CACNA1B: variants seen among roughly 807,000 people sequenced by gnomAD.
CACNA1B encodes the protein voltage-dependent N-type calcium channel subunit alpha-1B.
A neutral mutation model predicts 247.2 loss-of-function variants in CACNA1B; 70 were observed. The observed-to-expected ratio is 0.28, with a 90% CI of 0.23 to 0.35. CACNA1B has a LOEUF of 0.35. Among genes scored for constraint, CACNA1B ranks in the 10% least tolerant of loss-of-function variants. The pLI, the probability that CACNA1B is intolerant of heterozygous loss-of-function variation, is 1.00. For missense variants in CACNA1B, 2,367 were observed against 3,197.4 expected, an observed-to-expected ratio of 0.74 and a Z score of 6.26; for synonymous variants, 1,231 against 1,294.4, an observed-to-expected ratio of 0.95 and a Z score of 1.05.
chr9:137,943,877 T>C (rs1339299034), intron 6 of CACNA1B, among the ~76,000 whole-genome samples: 3 of 152,204 alleles, frequency 2.0e-5, no homozygotes, highest in Non-Finnish European at 4.4e-5. Flanking sequence ...AACCTCCTGG[T>C]TGCAGGCACA....
Position 138,023,695 on chromosome 9 carries a change from G to T in CACNA1B, c.2952G>T (p.Lys984Asn). ...CGCGGCGGCACCGGGCCCGGCACAA[G>T]GCGCAGCCTGCTCACGAGGCTGTGG... is the stretch of plus-strand genomic sequence containing the variant. ...EPARRHRARH[K>N]AQPAHEAVEK... Residue 984 changes from lysine to asparagine, a missense_variant, in exon 19 of 47, where the codon AAG becomes AAT. By Grantham distance (94) the Lys-to-Asn change is moderately conservative. Coordinates refer to ENST00000371372, the MANE Select transcript of CACNA1B (RefSeq NM_000718.4). 6.5e-7 allele frequency: 1 copy of T among 1,537,800 alleles called. No homozygotes were observed. The highest frequency in any genetic ancestry group is 8.8e-7 in the Non-Finnish European group (1 of 1,141,606).
chr9:137,886,315 A>T (rs1330748104), intron 3 of CACNA1B, among the ~76,000 whole-genome samples: 1 of 151,862 alleles, frequency 6.6e-6, no homozygotes, highest in Admixed American at 6.6e-5. Context: ...GCTAGGGCGC[A>T]GCTCTTAAGG....
rs4066675 is a variant in CACNA1B, at chr9:138,020,098, CAAAAAAA to C, written c.2268-2898_2268-2892del. Among the ~76,000 whole-genome samples, 2 of 83,818 alleles carry C rather than the reference CAAAAAAA, an allele frequency of 2.4e-5. No individual in the cohort carries two copies. The highest frequency in any genetic ancestry group is 2.7e-5 in the Non-Finnish European group (1 of 37,640). The allele number at this position is 83,818 out of a possible 152,430, so 55.0% of individuals were successfully genotyped here. A position where few individuals can be genotyped will look rare whatever the true frequency, so the allele number is the denominator to read the frequency against. ...GGCGACACAGCGAGACTCTGTCTCC[CAAAAAAA>C]AAAAAAAAAAAAAATGCAGATGGCA... is the stretch of plus-strand genomic sequence containing the variant. On this transcript the variant is annotated intron_variant, in intron 18 of 46. Transcript: ENST00000371372. This position sits in a 1 kb window ranked among gnomAD's most constrained non-coding sequence, Gnocchi z 4.1.
chr9:138,079,018 TGTC>T (rs1315070405), intron 36 of CACNA1B, among the ~76,000 whole-genome samples: 1 of 152,060 alleles, frequency 6.6e-6, no homozygotes, highest in Non-Finnish European at 1.5e-5. Context: ...GGAAACGAGT[TGTC>T]GTTAGTGTTC....
chr9:137,905,945 G>A (rs1038303601), intron 3 of CACNA1B, among the ~76,000 whole-genome samples: 32 of 152,318 alleles, frequency 2.1e-4, no homozygotes, highest in African/African-American at 7.2e-4. Context: ...TTTGCTGGCT[G>A]GAATGGCTGG....
chr9:138,007,030 C>G lies in CACNA1B; in HGVS notation c.2092+146C>G. ...GAGCTGAGTGCAGATGGAGAACATT[C>G]TGCAGGTGGCCGGAGCGCAGGGCTC... On this transcript the variant is annotated intron_variant, in intron 16 of 46. Coordinates refer to ENST00000371372, the MANE Select transcript of CACNA1B (RefSeq NM_000718.4). The surrounding 1 kb of genome is among the most constrained non-coding windows in gnomAD (Gnocchi z 4.1). The G allele has an allele frequency of 1.7e-6, 1 of 605,786 alleles. No homozygotes were observed. The highest frequency in any genetic ancestry group is 1.8e-5 in the African/African-American group (1 of 54,504). The allele number at this position is 605,786 out of a possible 1,614,324, so 37.5% of individuals were successfully genotyped here. A position where few individuals can be genotyped will look rare whatever the true frequency, so the allele number is the denominator to read the frequency against.
intron 18 of CACNA1B, 119 bp from the exon 19 acceptor site, chr9:138,022,892 C>T: frequency 2.3e-6 from 3 of 1,312,800 alleles, no homozygotes; most frequent in Non-Finnish European, 3.0e-6. Context: ...GGGGCTCCCG[C>T]GGCCACGCCT....
Position 138,059,248 on chromosome 9 carries a change from T to C in CACNA1B, c.4584+59T>C. 2.1e-6 allele frequency: 2 copies of C among 966,802 alleles called. No homozygotes were observed. Among genetic ancestry groups the C allele is most frequent in the South Asian group, 1.4e-5 (1 of 73,468 alleles). 59.9% of individuals were successfully genotyped at this position (966,802 alleles called of 1,614,324 possible). On this transcript the variant is annotated intron_variant, in intron 30 of 46. Transcript: ENST00000371372. The surrounding 1 kb of genome is among the most constrained non-coding windows in gnomAD (Gnocchi z 4.2). Reference sequence around the variant, plus strand: ...AACCTATATTCTGGTTCCCCATCTGTAGGGCGACCTTTGGGGGCTCACAAT... The same window carrying C: ...AACCTATATTCTGGTTCCCCATCTGCAGGGCGACCTTTGGGGGCTCACAAT...
chr9:138,033,340 T>C (rs767757976), intron 20 of CACNA1B, among the ~76,000 whole-genome samples: 16 of 152,266 alleles, frequency 1.1e-4, no homozygotes, highest in Admixed American at 3.3e-4. Flanking sequence ...ATTTTTATAA[T>C]GGGTGTTTTT....
At chr9:138,096,945 T>C (rs1168855158) in intron 37 of CACNA1B, among the ~76,000 whole-genome samples, 1 of 151,628 alleles carries the variant, frequency 6.6e-6, no homozygotes, top group Non-Finnish European at 1.5e-5. Flanking sequence ...TGAAATTTAC[T>C]GTCTTCTTTC....
At chr9:138,087,856 GA>G (rs1960753287) in intron 36 of CACNA1B, among the ~76,000 whole-genome samples, 2 of 152,036 alleles carry the variant, frequency 1.3e-5, no homozygotes, top group East Asian at 3.9e-4. Flanking sequence ...AAACTTATGG[GA>G]TACAGTAAAA....
chr9:137,993,107 A>G (rs1334609525), intron 15 of CACNA1B, among the ~76,000 whole-genome samples: 1 of 152,154 alleles, frequency 6.6e-6, no homozygotes, highest in African/African-American at 2.4e-5. Context: ...TAGACAATCT[A>G]AAGTCCCATC....
rs1224100162 is a variant in CACNA1B, at chr9:138,046,897, C to T, written c.3414-7C>T. On this transcript the variant is annotated splice_polypyrimidine_tract_variant and splice_region_variant and intron_variant, in intron 21 of 46. Transcript: ENST00000371372. ...GGCCTTGTGGTGATCCGTGCCTTCCCTCACAGGCTCCGCCGCTTCTGCCAC... is the reference window on the plus strand; with the variant it reads ...GGCCTTGTGGTGATCCGTGCCTTCCTTCACAGGCTCCGCCGCTTCTGCCAC... 2 of 1,612,884 alleles carry T rather than the reference C, an allele frequency of 1.2e-6. No homozygotes were observed. The highest frequency in any genetic ancestry group is 1.7e-6 in the Non-Finnish European group (2 of 1,179,136).
chr9:138,097,849 G>A (rs1589126522), intron 37 of CACNA1B, among the ~76,000 whole-genome samples: 1 of 152,236 alleles, frequency 6.6e-6, no homozygotes, highest in African/African-American at 2.4e-5. Context: ...AGCAGAGGGA[G>A]CCCTCCACAG....
chr9:137,980,510 T>C (rs1589046899), intron 12 of CACNA1B, among the ~76,000 whole-genome samples: 1 of 152,346 alleles, frequency 6.6e-6, no homozygotes. Context: ...CTTTCTCTCT[T>C]TTTAAAATTT....
intron 36 of CACNA1B, among the ~76,000 whole-genome samples, chr9:138,080,161 G>T (rs1337816747): frequency 6.6e-6 from 1 of 152,174 alleles, no homozygotes; most frequent in East Asian, 1.9e-4. Flanking sequence ...TAGAAAAGTG[G>T]ATTATCCAGA....
chr9:137,965,584 T>TTG (rs1958065531), intron 10 of CACNA1B, among the ~76,000 whole-genome samples: 1 of 151,098 alleles, frequency 6.6e-6, no homozygotes, highest in Admixed American at 6.6e-5. Context: ...TTTATTTATT[T>TTG]ATTTATTTAT....
chr9:138,046,457 C>A (rs1396908814), intron 21 of CACNA1B, among the ~76,000 whole-genome samples: 1 of 139,212 alleles, frequency 7.2e-6, no homozygotes, highest in South Asian at 2.1e-4. Context: ...CGCTGAAATT[C>A]TTCCTCTCTG....
intron 3 of CACNA1B, chr9:137,892,450 A>G (rs1957115879): frequency 2.3e-6 from 1 of 433,856 alleles, no homozygotes; most frequent in Non-Finnish European, 4.6e-6. Flanking sequence ...TTGCATCGTG[A>G]AATGGTTAGA....
Sources: gnomAD v4.1 joint callset for allele counts (sites outside exome capture counted in the v4.1 genomes callset) on GRCh38, gnomAD v4.1.1 for gene constraint, Gnocchi (gnomAD v3.1) non-coding constraint, MANE v1.5 for transcripts, NCBI Gene and HGNC (gene_info 2026-07-23, HGNC 2026-07-21) for gene names.